Variants in PRDM11 observed in about 807,000 individuals in gnomAD.
PRDM11 encodes PR/SET domain 11.
PRDM11 carries 20 observed loss-of-function variants against 97.8 expected under a neutral mutation model. The observed-to-expected ratio is 0.20, with a 90% CI of 0.14 to 0.30. The LOEUF (loss-of-function observed/expected upper bound fraction) is 0.30, where lower values mean the gene tolerates loss of function less well. Ranked by LOEUF, PRDM11 falls within the 10% of genes least tolerant of loss-of-function variation. PRDM11 has a pLI of 1.00. For missense variants in PRDM11, 1,139 were observed against 1,555.2 expected (o/e 0.73, Z 4.50); for synonymous variants, 599 against 637.7 (o/e 0.94, Z 0.91).
intron 1 of PRDM11, among the ~76,000 whole-genome samples, chr11:45,141,423 C>G (rs1311660399): frequency 6.6e-6 from 1 of 152,190 alleles, no homozygotes; most frequent in African/African-American, 2.4e-5. Context: ...CCTGGCCTGT[C>G]AGAAACTGTG....
chr11:45,099,857 T>C (rs1241213267), intron 1 of PRDM11, among the ~76,000 whole-genome samples: 1 of 152,200 alleles, frequency 6.6e-6, no homozygotes, highest in Non-Finnish European at 1.5e-5. Context: ...TGCACTTTAC[T>C]TGTGAGCTCT....
chr11:45,147,849 T>A (rs1423763937), intron 1 of PRDM11, among the ~76,000 whole-genome samples: 2 of 152,162 alleles, frequency 1.3e-5, no homozygotes, highest in Non-Finnish European at 1.5e-5. Context: ...TGCTGTATAA[T>A]TTAGAGTGGC....
At chr11:45,167,455 G>A (rs1590399167) in intron 1 of PRDM11, among the ~76,000 whole-genome samples, 1 of 152,054 alleles carries the variant, frequency 6.6e-6, no homozygotes, top group African/African-American at 2.4e-5. Flanking sequence ...CCCTACTCCC[G>A]AGTCCCATGG....
chr11:45,213,567 CAGCTGCTGT>C, intron 5 of PRDM11: 1 of 456,530 alleles, frequency 2.2e-6, no homozygotes, highest in Admixed American at 2.3e-5. Flanking sequence ...TGCGCGTGCT[CAGCTGCTGT>C]GCTTGCCTTT....
intron 1 of PRDM11, among the ~76,000 whole-genome samples, chr11:45,133,960 C>T (rs191104127): frequency 2.4e-4 from 37 of 152,198 alleles, no homozygotes; most frequent in African/African-American, 8.9e-4. Flanking sequence ...GGCACAGGAA[C>T]CCTGAAGGGC....
intron 1 of PRDM11, among the ~76,000 whole-genome samples, chr11:45,105,329 G>A (rs764989423): frequency 1.3e-5 from 2 of 152,166 alleles, no homozygotes; most frequent in Non-Finnish European, 2.9e-5. Flanking sequence ...AGCACCCCAT[G>A]ACCTACCTAA....
At chr11:45,166,878 A>C (rs999548609) in intron 1 of PRDM11, among the ~76,000 whole-genome samples, 1 of 152,238 alleles carries the variant, frequency 6.6e-6, no homozygotes, top group Non-Finnish European at 1.5e-5. Context: ...AAGTATGCCC[A>C]TTTGTTTTGG....
intron 1 of PRDM11, among the ~76,000 whole-genome samples, chr11:45,125,631 T>A (rs1036668380): frequency 6.6e-6 from 1 of 152,188 alleles, no homozygotes. Context: ...TTGTTCAGTT[T>A]CCATGTAGTT....
At chr11:45,146,955 G>C (rs1005863148) in intron 1 of PRDM11, 78 bp downstream of exon 1, 1 of 146,474 alleles carries the variant, frequency 6.8e-6, no homozygotes, top group African/African-American at 2.5e-5. Context: ...GCGAGCGCGG[G>C]GGCCGCCGGT....
intron 5 of PRDM11, chr11:45,214,042 A>T (rs1281300836): frequency 3.7e-6 from 1 of 271,942 alleles, no homozygotes; most frequent in Admixed American, 4.7e-5. Flanking sequence ...GCTCATAGCC[A>T]GTGGCTTGGA....
chr11:45,149,393 C>G (rs1851605840), intron 1 of PRDM11, among the ~76,000 whole-genome samples: 1 of 152,258 alleles, frequency 6.6e-6, no homozygotes, highest in South Asian at 2.1e-4. Context: ...ACCCCGATCT[C>G]TCCTACATAG....
chr11:45,183,516 G>A (rs960458514), intron 4 of PRDM11, among the ~76,000 whole-genome samples: 1 of 152,184 alleles, frequency 6.6e-6, no homozygotes, highest in Non-Finnish European at 1.5e-5. Context: ...GTAATATCAG[G>A]CTCTGGGCTA....
At chr11:45,148,279 C>T (rs1253873398) in intron 1 of PRDM11, among the ~76,000 whole-genome samples, 1 of 152,210 alleles carries the variant, frequency 6.6e-6, no homozygotes, top group East Asian at 1.9e-4. Context: ...TTGGACTTCA[C>T]ATCGTTGTCT....
intron 1 of PRDM11, among the ~76,000 whole-genome samples, chr11:45,153,230 A>G (rs1370665336): frequency 2.0e-5 from 3 of 152,236 alleles, no homozygotes; most frequent in African/African-American, 7.2e-5. Context: ...AAAGTGCCTT[A>G]GGCTGGTCCC....
At chr11:45,168,214 TGGG>T (rs1852114761) in intron 1 of PRDM11, among the ~76,000 whole-genome samples, 1 of 152,086 alleles carries the variant, frequency 6.6e-6, no homozygotes. Context: ...TAAAGGTTGA[TGGG>T]GGCAGGAGCT....
At chr11:45,133,586 G>T (rs1852767308) in intron 1 of PRDM11, among the ~76,000 whole-genome samples, 1 of 152,118 alleles carries the variant, frequency 6.6e-6, no homozygotes, top group Non-Finnish European at 1.5e-5. Context: ...TATTCTTTTT[G>T]CTCAAACCAG....
chr11:45,149,961 G>A (rs1459702384), intron 1 of PRDM11, among the ~76,000 whole-genome samples: 3 of 152,194 alleles, frequency 2.0e-5, no homozygotes, highest in African/African-American at 7.2e-5. Context: ...CCCTGACTTG[G>A]AAAGCAGCTA....
intron 1 of PRDM11, among the ~76,000 whole-genome samples, chr11:45,117,819 A>G (rs58193085): frequency 0.025 from 3,835 of 152,278 alleles, 169 homozygotes; most frequent in African/African-American, 0.088. Flanking sequence ...GCAAATAGTG[A>G]CTTCGTTCCG....
chr11:45,209,951 G>A (rs913784396), intron 5 of PRDM11, among the ~76,000 whole-genome samples: 1 of 152,156 alleles, frequency 6.6e-6, no homozygotes, highest in African/African-American at 2.4e-5. Context: ...CGCGGAGAAG[G>A]GGAGGGGAGG....
Sources: gnomAD v4.1 joint callset for allele counts (sites outside exome capture counted in the v4.1 genomes callset) on GRCh38, gnomAD v4.1.1 for gene constraint, MANE v1.5 for transcripts, NCBI Gene and HGNC (gene_info 2026-07-23, HGNC 2026-07-21) for gene names.